Variants in CNTN5 observed in about 807,000 individuals in gnomAD.
The protein encoded by CNTN5 is contactin-5.
Under a neutral mutation model 129.1 loss-of-function variants are expected in CNTN5, and 77 were observed. The observed-to-expected ratio is 0.60, with a 90% confidence interval of 0.50 to 0.72. CNTN5 has a LOEUF of 0.72. Ranked by LOEUF, CNTN5 falls within the 30% of genes least tolerant of loss-of-function variation. The pLI is 0.00. For missense variants in CNTN5, 1,478 were observed against 1,328.8 expected (o/e 1.11, Z -1.75); for synonymous variants, 509 against 465.6 (o/e 1.09, Z -1.20).
chr11:100,238,534 AGAGGAG>A (rs878902661), intron 16 of CNTN5, among the ~76,000 whole-genome samples: 3 of 145,852 alleles, frequency 2.1e-5, no homozygotes, highest in Non-Finnish European at 3.0e-5. Flanking sequence ...AGGGGGTAGA[AGAGGAG>A]GAGGAGGAGG....
intron 1 of CNTN5, among the ~76,000 whole-genome samples, chr11:99,112,464 CA>C (rs1857845100): frequency 6.6e-6 from 1 of 151,876 alleles, no homozygotes; most frequent in Non-Finnish European, 1.5e-5. Flanking sequence ...TTTATTAAAA[CA>C]AAAATAATTT....
At chr11:99,792,942 T>C (rs1162950688) in intron 3 of CNTN5, among the ~76,000 whole-genome samples, 1 of 152,146 alleles carries the variant, frequency 6.6e-6, no homozygotes, top group African/African-American at 2.4e-5. Context: ...TCTGAGAGTT[T>C]TTTGTATTTC....
chr11:100,333,983 C>T (rs1037904151), intron 21 of CNTN5, among the ~76,000 whole-genome samples: 4 of 152,182 alleles, frequency 2.6e-5, no homozygotes, highest in Admixed American at 6.5e-5. Flanking sequence ...AAATAATCAG[C>T]AGAGTTAACA....
intron 1 of CNTN5, among the ~76,000 whole-genome samples, chr11:99,228,689 T>A (rs1036793526): frequency 2.0e-5 from 3 of 152,090 alleles, no homozygotes; most frequent in Non-Finnish European, 4.4e-5. Context: ...ATTCTTTTTT[T>A]ATATTTCTTT....
intron 1 of CNTN5, among the ~76,000 whole-genome samples, chr11:99,191,266 AC>A (rs1243500044): frequency 1.3e-5 from 2 of 151,588 alleles, no homozygotes; most frequent in Non-Finnish European, 3.0e-5. Flanking sequence ...GGTTTTTTTC[AC>A]CTGTGTTCAT....
chr11:99,201,500 A>G (rs1425713910), intron 1 of CNTN5, among the ~76,000 whole-genome samples: 1 of 151,196 alleles, frequency 6.6e-6, no homozygotes, highest in Admixed American at 6.6e-5. Context: ...GGCAGAACCC[A>G]CATCTTAATC....
At chr11:100,181,204 A>C (rs1565319597) in intron 13 of CNTN5, among the ~76,000 whole-genome samples, 1 of 152,046 alleles carries the variant, frequency 6.6e-6, no homozygotes, top group Non-Finnish European at 1.5e-5. Flanking sequence ...CATCCATAGC[A>C]TGGATCACTA....
intron 15 of CNTN5, among the ~76,000 whole-genome samples, chr11:100,217,344 AAAG>A (rs1949161157): frequency 6.6e-6 from 1 of 152,196 alleles, no homozygotes; most frequent in Non-Finnish European, 1.5e-5. Flanking sequence ...TTGCTATGAT[AAAG>A]AAGAACATAG....
chr11:99,750,585 G>GA lies in CNTN5; in HGVS notation c.56-68949dup, dbSNP rs1248400996. On this transcript the variant is annotated intron_variant, in intron 3 of 24. Coordinates refer to ENST00000524871, the MANE Select transcript of CNTN5 (RefSeq NM_014361.4). The stretch of plus-strand genomic sequence containing the variant: ...ACCACTCTTACCTCCTCTGTAAGGG[G>GA]AAAAAAAAAAGATAATAAATTTTGT... 1.5e-3 allele frequency among the ~76,000 whole-genome samples: 218 copies of GA among 148,066 alleles called. 1 individual carries two copies. The highest frequency in any genetic ancestry group is 4.7e-3 in the East Asian group (24 of 5,092).
chr11:99,154,831 G>C (rs1231118181), intron 1 of CNTN5, among the ~76,000 whole-genome samples: 1 of 152,108 alleles, frequency 6.6e-6, no homozygotes, highest in African/African-American at 2.4e-5. Context: ...TCCATCACAT[G>C]TGCAGAACCA....
intron 18 of CNTN5, among the ~76,000 whole-genome samples, chr11:100,283,988 C>G (rs1478403447): frequency 6.6e-6 from 1 of 152,032 alleles, no homozygotes; most frequent in African/African-American, 2.4e-5. Context: ...TAAATTCCCT[C>G]TGTGGGTGGG....
chr11:99,273,874 T>A (rs1420650412), intron 1 of CNTN5, among the ~76,000 whole-genome samples: 1 of 151,704 alleles, frequency 6.6e-6, no homozygotes, highest in African/African-American at 2.4e-5. Context: ...ATCAGTTTTG[T>A]CATTGACTAC....
At chr11:99,279,588 T>C (rs1382673947) in intron 1 of CNTN5, among the ~76,000 whole-genome samples, 1 of 151,744 alleles carries the variant, frequency 6.6e-6, no homozygotes, top group African/African-American at 2.4e-5. Context: ...TTGGGGCAGC[T>C]TTGAACTGCA....
chr11:99,828,410 T>C (rs942915199), intron 4 of CNTN5, among the ~76,000 whole-genome samples: 2 of 152,148 alleles, frequency 1.3e-5, no homozygotes, highest in Non-Finnish European at 2.9e-5. Flanking sequence ...GTGGGGACAT[T>C]CGTGCTGTGT....
intron 13 of CNTN5, among the ~76,000 whole-genome samples, chr11:100,180,766 C>G (rs1393914024): frequency 6.6e-6 from 1 of 151,898 alleles, no homozygotes; most frequent in Admixed American, 6.6e-5. Flanking sequence ...ATAAAGTACT[C>G]TCAACACTTA....
chr11:99,032,315 A>C (rs1012905160), intron 1 of CNTN5, among the ~76,000 whole-genome samples: 1 of 151,304 alleles, frequency 6.6e-6, no homozygotes, highest in Non-Finnish European at 1.5e-5. Context: ...TGGTATTTCT[A>C]GTTCTAGATC....
intron 1 of CNTN5, among the ~76,000 whole-genome samples, chr11:99,025,381 C>T (rs542369729): frequency 1.6e-4 from 24 of 151,912 alleles, no homozygotes; most frequent in African/African-American, 5.8e-4. Flanking sequence ...CTTTCATAAC[C>T]ATTGACTGGA....
chr11:100,092,755 CTT>C (rs992358088), intron 13 of CNTN5, among the ~76,000 whole-genome samples: 23 of 151,996 alleles, frequency 1.5e-4, no homozygotes, highest in Non-Finnish European at 2.9e-4. Flanking sequence ...TGATTGTCCT[CTT>C]TGCGCATATG....
At chr11:99,913,459 A>G (rs1949712552) in intron 6 of CNTN5, among the ~76,000 whole-genome samples, 1 of 151,626 alleles carries the variant, frequency 6.6e-6, no homozygotes, top group South Asian at 2.1e-4. Context: ...GAAAAAAAAA[A>G]TCTACTCACA....
Sources: allele counts gnomAD v4.1 joint callset (sites outside exome capture counted in the v4.1 genomes callset), GRCh38; gene constraint gnomAD v4.1.1; transcripts MANE v1.5; gene names NCBI Gene and HGNC (gene_info 2026-07-23, HGNC 2026-07-21).